Variants in SGO2 observed in about 807,000 individuals in gnomAD.
The protein encoded by SGO2 is shugoshin-like 2.
SGO2 carries 68 observed loss-of-function variants against 99.5 expected under a neutral mutation model. The observed-to-expected ratio is 0.68, with a 90% confidence interval of 0.56 to 0.84. SGO2 has a LOEUF of 0.84. SGO2 is among the 40% of genes least tolerant of loss of function. The probability of loss-of-function intolerance (pLI) is 0.00; values close to 1 mark genes in which losing one functional copy is unlikely to be tolerated. For missense variants in SGO2, 1,350 were observed against 1,436.7 expected, an observed-to-expected ratio of 0.94 and a Z score of 0.97; for synonymous variants, 457 against 487.1, an observed-to-expected ratio of 0.94 and a Z score of 0.81.
Position 200,572,939 on chromosome 2 carries a change from G to A in SGO2, c.2593G>A (p.Val865Ile), listed in dbSNP as rs2033504047. Residue 865 changes from valine to isoleucine, a missense_variant, in exon 7 of 9, where the codon GTT (valine) becomes ATT (isoleucine). Transcript: ENST00000357799. ...NLQVTNEFQT[V>I]DLLIKDNGNL... ...ACAAGTCACAAATGAATTTCAAACAGTTGATCTTCTCATCAAAGATAATGG... is the reference window on the plus strand; with the variant it reads ...ACAAGTCACAAATGAATTTCAAACAATTGATCTTCTCATCAAAGATAATGG... 3 of 1,598,652 alleles carry A rather than the reference G, an allele frequency of 1.9e-6. No individual in the cohort carries two copies. The highest frequency in any genetic ancestry group is 3.5e-5 in the Admixed American group (2 of 56,734).
intron 8 of SGO2, among the ~76,000 whole-genome samples, chr2:200,577,442 G>C (rs2033703947): frequency 6.6e-6 from 1 of 152,180 alleles, no homozygotes. Context: ...TGGTAAAGTT[G>C]TAAAAATAAT....
chr2:200,550,095 C>T (rs918972627), intron 5 of SGO2, among the ~76,000 whole-genome samples: 1 of 152,108 alleles, frequency 6.6e-6, no homozygotes, highest in African/African-American at 2.4e-5. Flanking sequence ...AAAGCAATCC[C>T]ATTTATCATC....
chr2:200,542,136 T>A (rs2031991099), intron 4 of SGO2, among the ~76,000 whole-genome samples: 1 of 152,166 alleles, frequency 6.6e-6, no homozygotes. Flanking sequence ...TTAAAACATG[T>A]TTGTATCTGA....
At chr2:200,552,951 C>T (rs1447382047) in intron 5 of SGO2, among the ~76,000 whole-genome samples, 1 of 152,126 alleles carries the variant, frequency 6.6e-6, no homozygotes, top group African/African-American at 2.4e-5. Flanking sequence ...ATCCGCACCC[C>T]CCCGCCCCCT....
chr2:200,553,389 A>G (rs1350517735), intron 5 of SGO2, among the ~76,000 whole-genome samples: 1 of 152,206 alleles, frequency 6.6e-6, no homozygotes, highest in Non-Finnish European at 1.5e-5. Context: ...TAGAATACTG[A>G]TTGAGATTTC....
chr2:200,565,349 G>A (rs2033145131), intron 5 of SGO2, among the ~76,000 whole-genome samples: 1 of 152,154 alleles, frequency 6.6e-6, no homozygotes, highest in Non-Finnish European at 1.5e-5. Flanking sequence ...ATGAAATTCT[G>A]GGTTGAAAAT....
chr2:200,557,782 A>ATAT (rs1272729828), intron 5 of SGO2, among the ~76,000 whole-genome samples: 1 of 151,040 alleles, frequency 6.6e-6, no homozygotes, highest in East Asian at 1.9e-4. Context: ...ACCTCCTAAT[A>ATAT]TATAGCTTTT....
intron 5 of SGO2, among the ~76,000 whole-genome samples, chr2:200,562,617 G>A (rs183025553): frequency 2.9e-3 from 447 of 152,282 alleles, no homozygotes; most frequent in African/African-American, 0.01. Context: ...GCTTGATGGG[G>A]ATGGCATTGA....
At chr2:200,582,343 G>A (rs529675763) in intron 8 of SGO2, among the ~76,000 whole-genome samples, 46 of 152,068 alleles carry the variant, frequency 3.0e-4, no homozygotes, top group Non-Finnish European at 5.6e-4. Flanking sequence ...TGGGGCTAGG[G>A]ACAGAAGACA....
At chr2:200,577,024 TGTAAA>T (rs144043901) in intron 8 of SGO2, among the ~76,000 whole-genome samples, 4 of 152,182 alleles carry the variant, frequency 2.6e-5, no homozygotes, top group African/African-American at 4.8e-5. Flanking sequence ...AGGTTTTGTG[TGTAAA>T]GTATTGTTTT....
Position 200,542,562 on chromosome 2 carries a change from AT to A in SGO2, c.388-10del, listed in dbSNP as rs763419910. 7 of 1,598,100 alleles carry A rather than the reference AT, an allele frequency of 4.4e-6. No individual in the cohort carries two copies. The highest frequency in any genetic ancestry group is 4.0e-5 in the African/African-American group (3 of 74,094). ...TAAGGTTAGAAACTTTGTTTTCTTT[AT>A]TTTTTTCAAAAATAGTTCCATCAGA... On this transcript the variant is annotated splice_polypyrimidine_tract_variant and intron_variant, in intron 4 of 8. Coordinates refer to ENST00000357799, the MANE Select transcript of SGO2 (RefSeq NM_152524.6).
intron 8 of SGO2, among the ~76,000 whole-genome samples, chr2:200,581,374 A>G (rs556856670): frequency 6.6e-6 from 1 of 152,242 alleles, no homozygotes; most frequent in African/African-American, 2.4e-5. Flanking sequence ...TTGCTTCAGA[A>G]GGGTGGTTGC....
chr2:200,568,576 G>A (rs1257274285), intron 5 of SGO2, among the ~76,000 whole-genome samples: 5 of 152,120 alleles, frequency 3.3e-5, no homozygotes, highest in Non-Finnish European at 5.9e-5. Flanking sequence ...CACAAAATTT[G>A]GGGCTCTCCT....
chr2:200,528,835 C>T (rs2031228466), intron 1 of SGO2, among the ~76,000 whole-genome samples: 1 of 152,100 alleles, frequency 6.6e-6, no homozygotes, highest in Non-Finnish European at 1.5e-5. Flanking sequence ...GAGAAGTGGT[C>T]AGCGAGGCAG....
At chr2:200,541,868 C>T (rs2031977585) in intron 4 of SGO2, among the ~76,000 whole-genome samples, 1 of 152,216 alleles carries the variant, frequency 6.6e-6, no homozygotes, top group South Asian at 2.1e-4. Flanking sequence ...CATTTCTGGA[C>T]TCTCTGTTCT....
chr2:200,535,128 T>G lies in SGO2; in HGVS notation c.266T>G (p.Leu89Arg). 2.0e-6 allele frequency: 3 copies of G among 1,537,680 alleles called. No homozygotes were observed. The highest frequency in any genetic ancestry group is 2.6e-6 in the Non-Finnish European group (3 of 1,153,600). Residue 89 changes from leucine to arginine, a missense_variant, in exon 3 of 9, where the codon CTG becomes CGG. Leu to Arg is a moderately radical substitution (Grantham distance 102). Coordinates refer to ENST00000357799, the MANE Select transcript of SGO2 (RefSeq NM_152524.6). ...KMLLQKEVEKLNFENTFLRLK... is the reference protein window; with the variant it reads ...KMLLQKEVEKRNFENTFLRLK... ...CTATTGCAAAAAGAAGTAGAGAAAC[T>G]GAATTTTGAGAACACATTTCTTCGC...
rs1185406199 is a variant in SGO2, at chr2:200,536,090, C to T, written c.335C>T (p.Ala112Val). Reference protein sequence around the residue: ...NLNKKLIDIEALMNNNLITAI... With the variant: ...NLNKKLIDIEVLMNNNLITAI... ...AATAAGAAGCTTATAGACATAGAAG[C>T]TCTCATGAACAATAACTTGATAACT... Residue 112 changes from alanine to valine, a missense_variant, in exon 4 of 9, where the codon GCT becomes GTT. Coordinates refer to ENST00000357799, the MANE Select transcript of SGO2 (RefSeq NM_152524.6). 2 of 1,590,356 alleles carry T rather than the reference C, an allele frequency of 1.3e-6. No individual in the cohort carries two copies. The highest frequency in any genetic ancestry group is 1.3e-5 in the African/African-American group (1 of 74,514).
intron 1 of SGO2, 138 bp from the exon 2 acceptor site, chr2:200,532,836 C>T: frequency 2.2e-6 from 2 of 929,218 alleles, no homozygotes; most frequent in East Asian, 2.9e-5. Context: ...TTCATACTTT[C>T]AGATTTTATG....
At chr2:200,545,649 C>CT (rs2032177072) in intron 5 of SGO2, among the ~76,000 whole-genome samples, 1 of 152,186 alleles carries the variant, frequency 6.6e-6, no homozygotes, top group Non-Finnish European at 1.5e-5. Context: ...TGGAAAAACT[C>CT]TGAGCAGATG....
Sources: gnomAD v4.1 joint callset for allele counts (sites outside exome capture counted in the v4.1 genomes callset) on GRCh38, gnomAD v4.1.1 for gene constraint, MANE v1.5 for transcripts, NCBI Gene and HGNC (gene_info 2026-07-23, HGNC 2026-07-21) for gene names.